SPG11: variants seen among roughly 807,000 people sequenced by gnomAD.
The protein encoded by SPG11 is SPG11 vesicle trafficking associated, spatacsin.
A neutral mutation model predicts 274.0 loss-of-function variants in SPG11; 222 were observed. The observed-to-expected ratio is 0.81, with a 90% CI of 0.73 to 0.91. The LOEUF (loss-of-function observed/expected upper bound fraction) is 0.91, where lower values mean the gene tolerates loss of function less well. SPG11 is among the 40% of genes least tolerant of loss of function. SPG11 has a pLI of 0.00. For synonymous variants in SPG11, 1,144 were observed against 1,039.7 expected (o/e 1.10, Z -1.93); for missense variants, 3,114 against 2,872.7 (o/e 1.08, Z -1.92).
Position 44,652,286 on chromosome 15 carries a change from T to C in SPG11, c.870-20A>G. 6.2e-7 allele frequency: 1 copy of C among 1,613,528 alleles called. No individual in the cohort carries two copies. Among genetic ancestry groups the C allele is most frequent in the Non-Finnish European group, 8.5e-7 (1 of 1,179,776 alleles). ...TGTTGCCTACATTTAAAAATAATGATAGACATATGAAAAAATGATGATCAA... is the reference window on the plus strand; with the variant it reads ...TGTTGCCTACATTTAAAAATAATGACAGACATATGAAAAAATGATGATCAA... On this transcript the variant is annotated intron_variant, in intron 4 of 39. Coordinates refer to ENST00000261866, the MANE Select transcript of SPG11 (RefSeq NM_025137.4).
intron 7 of SPG11, among the ~76,000 whole-genome samples, chr15:44,647,110 CTAATT>C (rs1440860728): frequency 6.6e-6 from 1 of 152,030 alleles, no homozygotes; most frequent in Admixed American, 6.6e-5. Flanking sequence ...AAAAGACAAC[CTAATT>C]TGACAGACAT....
intron 21 of SPG11, among the ~76,000 whole-genome samples, chr15:44,599,711 TTTG>T (rs1160583724): frequency 6.6e-6 from 1 of 152,226 alleles, no homozygotes; most frequent in Non-Finnish European, 1.5e-5. Context: ...AAGGTATTAC[TTTG>T]TTAATTATAA....
rs144630601 is a variant in SPG11 at position 44,569,188 on chromosome 15, A to G, written c.6585+210T>C. On this transcript the variant is annotated intron_variant, in intron 35 of 39. Transcript: ENST00000261866. ...TCAAAAAAAAAAAAAAGAAAAAGAA[A>G]AAAAAAATATATGGCATCAGCATAT... is the stretch of plus-strand genomic sequence containing the variant. Among the ~76,000 whole-genome samples the G allele has an allele frequency of 0.019, 2,846 of 152,054 alleles. 98 individuals are homozygous for G. Among genetic ancestry groups the G allele is most frequent in the African/African-American group, 0.065 (2,695 of 41,464 alleles).
intron 30 of SPG11, among the ~76,000 whole-genome samples, chr15:44,581,104 T>A (rs1296701996): frequency 6.6e-6 from 1 of 152,148 alleles, no homozygotes; most frequent in Non-Finnish European, 1.5e-5. Flanking sequence ...GCACTGTTTA[T>A]ATAGATGAAC....
At chr15:44,608,749 TTA>T in intron 18 of SPG11, 144 bp from the exon 19 acceptor site, 1 of 738,124 alleles carries the variant, frequency 1.4e-6, no homozygotes, top group Non-Finnish European at 2.2e-6. Flanking sequence ...TAGTCATAAG[TTA>T]ACAGTTCTTG....
At chr15:44,597,522 A>G (rs2083076780) in intron 23 of SPG11, among the ~76,000 whole-genome samples, 1 of 152,212 alleles carries the variant, frequency 6.6e-6, no homozygotes, top group South Asian at 2.1e-4. Flanking sequence ...CTGGCTGTGT[A>G]GCATCCTTAG....
intron 26 of SPG11, among the ~76,000 whole-genome samples, chr15:44,593,779 G>A (rs187066084): frequency 5.5e-5 from 8 of 144,288 alleles, no homozygotes; most frequent in Non-Finnish European, 9.1e-5. Flanking sequence ...TTTGAGACAC[G>A]GTCTTGCTCT....
In SPG11 at chr15:44,650,014, C is replaced by T. The variant is rs996966185; in HGVS notation, c.1457-1003G>A. On this transcript the variant is annotated intron_variant, in intron 6 of 39. Transcript: ENST00000261866. Reference sequence around the variant, plus strand: ...TCTGGTTTACTATTATAAAATAATTCATAGCATATTCCTGACACATAGAAA... The same window carrying T: ...TCTGGTTTACTATTATAAAATAATTTATAGCATATTCCTGACACATAGAAA... 2.0e-5 allele frequency among the ~76,000 whole-genome samples: 3 copies of T among 151,992 alleles called. 1 individual carries two copies. The highest frequency in any genetic ancestry group is 4.4e-5 in the Non-Finnish European group (3 of 68,004).
chr15:44,562,955 TTCC>T lies in SPG11; in HGVS notation c.*163_*165del. 1 of 623,968 alleles carries T rather than the reference TTCC, an allele frequency of 1.6e-6. No individual in the cohort carries two copies. The highest frequency in any genetic ancestry group is 2.8e-6 in the Non-Finnish European group (1 of 356,456). 38.7% of individuals were successfully genotyped at this position (623,968 alleles called of 1,614,324 possible). ...AAATCAATCTATTTTAAATAGGAAT[TTCC>T]TCCTGAAAAGTTTCTTACTTGCTAC... is the stretch of plus-strand genomic sequence containing the variant. On this transcript the variant is annotated 3_prime_UTR_variant, in exon 40 of 40. Transcript: ENST00000261866.
intron 18 of SPG11, among the ~76,000 whole-genome samples, chr15:44,609,895 A>ATTTTTTTTTT: frequency 9.4e-6 from 1 of 106,116 alleles, no homozygotes; most frequent in Non-Finnish European, 1.9e-5. Context: ...TGCCCAGCTA[A>ATTTTTTTTTT]TTTTTTTTTT....
At chr15:44,592,918 G>A (rs2082939715) in intron 26 of SPG11, among the ~76,000 whole-genome samples, 2 of 151,956 alleles carry the variant, frequency 1.3e-5, no homozygotes, top group African/African-American at 2.4e-5. Flanking sequence ...GAGACCTAGA[G>A]GTTGTAGCTG....
At chr15:44,585,430 C>CGAAA (rs2082737114) in intron 29 of SPG11, among the ~76,000 whole-genome samples, 1 of 97,294 alleles carries the variant, frequency 1.0e-5, no homozygotes, top group Non-Finnish European at 1.9e-5. Context: ...ACTAAAAATA[C>CGAAA]AAAAAAAAAA....
At chr15:44,657,506 A>G (rs1263040378) in intron 3 of SPG11, among the ~76,000 whole-genome samples, 2 of 152,136 alleles carry the variant, frequency 1.3e-5, no homozygotes, top group South Asian at 2.1e-4. Context: ...TTCTTCAACA[A>G]TACCTGCTGA....
chr15:44,644,520 A>G (rs2084550182), intron 7 of SPG11, among the ~76,000 whole-genome samples: 1 of 152,178 alleles, frequency 6.6e-6, no homozygotes, highest in Non-Finnish European at 1.5e-5. Context: ...TAACAAGACA[A>G]AAATGTCTAC....
chr15:44,652,156 A>G lies in SPG11; in HGVS notation c.980T>C (p.Leu327Pro), dbSNP rs201444186. The stretch of plus-strand genomic sequence containing the variant: ...ATCAATTTGGAAGGAAAACTTGGCC[A>G]GTTTCATGTTGTAGGCAGAGTTAAC... ...DPVNSAYNMK[L>P]AKFSFQIDRS... The change falls in exon 5 of 40, where the codon CTG becomes CCG. Residue 327 changes from leucine to proline, a missense_variant. Transcript: ENST00000261866. 8 of 1,614,062 alleles carry G rather than the reference A, an allele frequency of 5.0e-6. No homozygotes were observed. The highest frequency in any genetic ancestry group is 6.8e-6 in the Non-Finnish European group (8 of 1,180,024).
intron 9 of SPG11, 37 bp from the exon 10 acceptor site, chr15:44,628,881 T>G: frequency 2.6e-6 from 4 of 1,568,086 alleles, no homozygotes; most frequent in Non-Finnish European, 3.5e-6. Context: ...TGTGTGTGTG[T>G]GTGTAAATAT....
At chr15:44,588,653 A>C (rs1167728462) in intron 28 of SPG11, 3 of 438,894 alleles carry the variant, frequency 6.8e-6, no homozygotes, top group South Asian at 4.9e-5. Context: ...AGTTGATAGC[A>C]AAAAAGCAAA....
At chr15:44,585,157 G>C (rs1361853649) in intron 29 of SPG11, among the ~76,000 whole-genome samples, 1 of 151,914 alleles carries the variant, frequency 6.6e-6, no homozygotes, top group African/African-American at 2.4e-5. Context: ...TCAATCATGG[G>C]AATTGTAGGC....
rs558001904 is a variant in SPG11 at position 44,568,943 on chromosome 15, G to A, written c.6585+455C>T. ...TCCCAGCATTTTGGGAGGCTGAGAT[G>A]GGTGGATCACCTGAGGTCGGGAGTT... On this transcript the variant is annotated intron_variant, in intron 35 of 39. Coordinates refer to ENST00000261866, the MANE Select transcript of SPG11 (RefSeq NM_025137.4). 6.8e-4 allele frequency among the ~76,000 whole-genome samples: 104 copies of A among 152,074 alleles called. 1 individual carries two copies. The highest frequency in any genetic ancestry group is 3.4e-3 in the Middle Eastern group (1 of 294).
Sources: allele counts gnomAD v4.1 joint callset (sites outside exome capture counted in the v4.1 genomes callset), GRCh38; gene constraint gnomAD v4.1.1; transcripts MANE v1.5; gene names NCBI Gene and HGNC (gene_info 2026-07-23, HGNC 2026-07-21).